RNF8: variants seen among roughly 807,000 people sequenced by gnomAD.
The protein encoded by RNF8 is E3 ubiquitin-protein ligase RNF8.
Under a neutral mutation model 59.3 loss-of-function variants are expected in RNF8, and 8 were observed. That is an observed-to-expected ratio of 0.13 (90% CI 0.08 to 0.24). The LOEUF (loss-of-function observed/expected upper bound fraction) is 0.24, where lower values mean the gene tolerates loss of function less well. RNF8 is among the 10% of genes least tolerant of loss of function. RNF8 has a pLI of 1.00. For missense variants in RNF8, 406 were observed against 572.6 expected, an observed-to-expected ratio of 0.71 and a Z score of 2.97; for synonymous variants, 162 against 200.0, an observed-to-expected ratio of 0.81 and a Z score of 1.60.
intron 7 of RNF8, among the ~76,000 whole-genome samples, chr6:37,385,799 A>G (rs1326277052): frequency 6.8e-6 from 1 of 147,890 alleles, no homozygotes; most frequent in Non-Finnish European, 1.5e-5. Context: ...GTGTCCTAGT[A>G]TCCTTCCTTA....
At chr6:37,356,815 TCA>T (rs1769132131) in intron 1 of RNF8, among the ~76,000 whole-genome samples, 1 of 152,196 alleles carries the variant, frequency 6.6e-6, no homozygotes, top group Admixed American at 6.5e-5. Context: ...AGTGGTGTGA[TCA>T]CACCTTCACC....
At chr6:37,383,256 C>T (rs1770353780) in intron 7 of RNF8, among the ~76,000 whole-genome samples, 1 of 152,224 alleles carries the variant, frequency 6.6e-6, no homozygotes, top group Non-Finnish European at 1.5e-5. Context: ...TAGAGACAGA[C>T]AGGTTTTCTG....
At chr6:37,366,745 A>G (rs1581673765) in intron 2 of RNF8, among the ~76,000 whole-genome samples, 2 of 152,322 alleles carry the variant, frequency 1.3e-5, no homozygotes, top group Admixed American at 1.3e-4. Context: ...TGTAGTTGCC[A>G]GTGTAAACAT....
intron 6 of RNF8, among the ~76,000 whole-genome samples, 171 bp from the exon 7 acceptor site, chr6:37,380,979 G>A (rs1380859520): frequency 6.6e-6 from 1 of 152,032 alleles, no homozygotes; most frequent in Non-Finnish European, 1.5e-5. Flanking sequence ...CATCATGCCC[G>A]GCCCAACCCC....
intron 7 of RNF8, among the ~76,000 whole-genome samples, chr6:37,386,827 C>T (rs187832875): frequency 1.2e-3 from 190 of 152,344 alleles, no homozygotes; most frequent in African/African-American, 4.3e-3. Context: ...GCAGGAGACA[C>T]TTCAGATTGT....
rs371384455 is a variant in RNF8, at chr6:37,381,444, A to G, written c.1441+90A>G. 3.0e-5 allele frequency: 35 copies of G among 1,184,342 alleles called. No individual in the cohort carries two copies. The East Asian group carries it at 3.1e-4, about 11-fold the overall frequency. The allele number at this position is 1,184,342 out of a possible 1,614,324, so 73.4% of individuals were successfully genotyped here. On this transcript the variant is annotated intron_variant, in intron 7 of 7. Transcript: ENST00000373479. Reference sequence around the variant, plus strand: ...TATTTTTGGAAAGAGAAAGAGTCAGATAAACAATTCTTGAACTAGGGAAGA... The same window carrying G: ...TATTTTTGGAAAGAGAAAGAGTCAGGTAAACAATTCTTGAACTAGGGAAGA...
chr6:37,380,863 A>G (rs1770233116), intron 6 of RNF8, among the ~76,000 whole-genome samples: 1 of 151,912 alleles, frequency 6.6e-6, no homozygotes, highest in South Asian at 2.1e-4. Context: ...TCGTATTTTT[A>G]GTAGAGACGA....
rs185296701 is a variant in RNF8, at chr6:37,386,167, C to T, written c.1442-4575C>T. Reference sequence around the variant, plus strand: ...TTTTCCCCTATCACTCTTATTGGCACCTCAGAATACACAGTTTGAAATGAC... The same window carrying T: ...TTTTCCCCTATCACTCTTATTGGCATCTCAGAATACACAGTTTGAAATGAC... On this transcript the variant is annotated intron_variant, in intron 7 of 7. Transcript: ENST00000373479. 4.3e-4 allele frequency among the ~76,000 whole-genome samples: 65 copies of T among 152,184 alleles called. 1 individual carries two copies. The highest frequency in any genetic ancestry group is 5.4e-4 in the Non-Finnish European group (37 of 68,002).
At chr6:37,389,890 G>T (rs1401036726) in intron 7 of RNF8, among the ~76,000 whole-genome samples, 1 of 152,226 alleles carries the variant, frequency 6.6e-6, no homozygotes, top group Admixed American at 6.5e-5. Flanking sequence ...CTACCCAGAA[G>T]TGGGAGACGA....
Position 37,378,622 on chromosome 6 carries a change from AAG to A in RNF8, c.1236+1591_1236+1592del, listed in dbSNP as rs1382165908. 1.5e-3 allele frequency among the ~76,000 whole-genome samples: 232 copies of A among 151,580 alleles called. 1 individual carries two copies. Among genetic ancestry groups the A allele is most frequent in the Non-Finnish European group, 2.4e-3 (164 of 67,804 alleles). ...TCTCAAAAAAAAAAAAAAAAAAAAAAAGAAAAACATATACACACAGCTTTCTT... is the reference window on the plus strand; with the variant it reads ...TCTCAAAAAAAAAAAAAAAAAAAAAAAAAAACATATACACACAGCTTTCTT... On this transcript the variant is annotated intron_variant, in intron 6 of 7. Coordinates refer to ENST00000373479, the MANE Select transcript of RNF8 (RefSeq NM_003958.4).
At chr6:37,373,228 A>G (rs2113824845) in intron 4 of RNF8, among the ~76,000 whole-genome samples, 1 of 149,666 alleles carries the variant, frequency 6.7e-6, no homozygotes, top group South Asian at 2.1e-4. Flanking sequence ...GAATTTGACT[A>G]TAGTTAGAAA....
chr6:37,394,173 C>G lies in RNF8; in HGVS notation c.*3415C>G, dbSNP rs1333745970. 9 of 152,210 alleles carry G rather than the reference C, an allele frequency of 5.9e-5. No individual in the cohort carries two copies. 9.4% of individuals were successfully genotyped at this position (152,210 alleles called of 1,614,324 possible). A position where few individuals can be genotyped will look rare whatever the true frequency, so the allele number is the denominator to read the frequency against. On this transcript the variant is annotated 3_prime_UTR_variant, in exon 8 of 8. Transcript: ENST00000373479. ...CTGGAATTGTTATCTGTCTCTTGCT[C>G]TGAGATACAGACTTGTTCATAGGTG...
intron 4 of RNF8, among the ~76,000 whole-genome samples, chr6:37,372,934 T>C (rs916743460): frequency 3.9e-5 from 6 of 152,072 alleles, no homozygotes; most frequent in Non-Finnish European, 2.9e-5. Flanking sequence ...GTGCCATTGC[T>C]CTCCAGCCTG....
intron 2 of RNF8, among the ~76,000 whole-genome samples, chr6:37,367,808 T>C (rs1008467969): frequency 6.6e-6 from 1 of 152,210 alleles, no homozygotes; most frequent in African/African-American, 2.4e-5. Context: ...GTAGGTACTG[T>C]ACCATCCCTG....
Position 37,382,031 on chromosome 6 carries a change from A to G in RNF8, c.1441+677A>G, listed in dbSNP as rs79538699. Among the ~76,000 whole-genome samples the G allele has an allele frequency of 1.5e-3, 229 of 152,342 alleles. 2 individuals carry two copies. In the East Asian group the frequency reaches 0.038, roughly 25 times the overall value. On this transcript the variant is annotated intron_variant, in intron 7 of 7. Transcript: ENST00000373479. ...AAGCCCCCACAGATTTTCACTTCCA[A>G]GAGCTACTTGATCTGACAGAATCCC...
chr6:37,388,461 G>C (rs576340106), intron 7 of RNF8, among the ~76,000 whole-genome samples: 1 of 152,132 alleles, frequency 6.6e-6, no homozygotes. Flanking sequence ...TGAGATTCTA[G>C]GTTTGGGGAT....
intron 5 of RNF8, among the ~76,000 whole-genome samples, chr6:37,376,075 A>C (rs1770001707): frequency 6.6e-6 from 1 of 152,230 alleles, no homozygotes; most frequent in Non-Finnish European, 1.5e-5. Flanking sequence ...CTTACTTTAC[A>C]GAAAAGGCAG....
intron 1 of RNF8, among the ~76,000 whole-genome samples, chr6:37,357,091 ATAGTCT>A (rs1413435072): frequency 6.6e-6 from 1 of 152,202 alleles, no homozygotes; most frequent in Non-Finnish European, 1.5e-5. Flanking sequence ...GAGGAAAGAG[ATAGTCT>A]TAGTGAAGGT....
intron 1 of RNF8, among the ~76,000 whole-genome samples, chr6:37,354,921 T>C (rs1242937738): frequency 3.9e-5 from 6 of 152,200 alleles, no homozygotes; most frequent in African/African-American, 1.4e-4. Context: ...CGTAGAAATG[T>C]CTTCCTCCTT....
Sources: allele counts gnomAD v4.1 joint callset (sites outside exome capture counted in the v4.1 genomes callset), GRCh38; gene constraint gnomAD v4.1.1; transcripts MANE v1.5; gene names NCBI Gene and HGNC (gene_info 2026-07-23, HGNC 2026-07-21).